GLS: variants seen among roughly 807,000 people sequenced by gnomAD.
GLS encodes glutaminase, also known as glutaminase kidney isoform, mitochondrial.
Under a neutral mutation model 86.7 loss-of-function variants are expected in GLS, and 36 were observed. The ratio of observed to expected loss-of-function variants is 0.42; its 90% CI spans 0.32 to 0.55. The LOEUF (loss-of-function observed/expected upper bound fraction) is 0.55, where lower values mean the gene tolerates loss of function less well. GLS is among the 20% of genes least tolerant of loss of function. The pLI is 0.17. For synonymous variants in GLS, 317 were observed against 305.9 expected, an observed-to-expected ratio of 1.04 and a Z score of -0.38; for missense variants, 528 against 833.4, an observed-to-expected ratio of 0.63 and a Z score of 4.51.
chr2:190,944,518 G>C (rs1302534212), intron 14 of GLS, among the ~76,000 whole-genome samples: 2 of 152,270 alleles, frequency 1.3e-5, no homozygotes, highest in East Asian at 3.9e-4. Flanking sequence ...AGGAGTAGCT[G>C]TCTTTGTCTT....
At chr2:190,926,875 G>A (rs1468158910) in intron 11 of GLS, 1 of 152,942 alleles carries the variant, frequency 6.5e-6, no homozygotes, top group Non-Finnish European at 1.5e-5. Flanking sequence ...TTCTAAAATG[G>A]TGATTTCTCA....
intron 14 of GLS, among the ~76,000 whole-genome samples, chr2:190,936,475 C>A (rs1690274628): frequency 6.6e-6 from 1 of 151,040 alleles, no homozygotes; most frequent in South Asian, 2.1e-4. Flanking sequence ...ATTCATTGAT[C>A]TATTCCTGTT....
chr2:190,897,081 T>A lies in GLS; in HGVS notation c.605+1356T>A, dbSNP rs747144876. On this transcript the variant is annotated intron_variant, in intron 3 of 17. Transcript: ENST00000320717. This position sits in a 1 kb window ranked among gnomAD's most constrained non-coding sequence, Gnocchi z 4.3. ...TCTCATTCTGTCGCCCAGGCTGGAG[T>A]GTAGTGACATGATCTTGGCTCACTA... Among the ~76,000 whole-genome samples the A allele has an allele frequency of 6.6e-6, 1 of 151,640 alleles. No individual in the cohort carries two copies. The highest frequency in any genetic ancestry group is 1.5e-5 in the Non-Finnish European group (1 of 67,922).
intron 7 of GLS, among the ~76,000 whole-genome samples, chr2:190,911,653 G>C (rs1689363736): frequency 6.6e-6 from 1 of 151,984 alleles, no homozygotes; most frequent in African/African-American, 2.4e-5. Flanking sequence ...TGTGATGAGA[G>C]AAAAGCCTCA....
rs765851985 is a variant in GLS, at chr2:190,964,804, C to CTT, written c.*1820_*1821dup. 2 of 152,156 alleles carry CTT rather than the reference C, an allele frequency of 1.3e-5. No individual in the cohort carries two copies. Among genetic ancestry groups the CTT allele is most frequent in the Non-Finnish European group, 2.9e-5 (2 of 68,032 alleles). 9.4% of individuals were successfully genotyped at this position (152,156 alleles called of 1,614,324 possible). ...TTTTAACTGAAATCAATCAAGATAACTTTATTCAAAGAGCAGCCCGCTTTG... is the reference window on the plus strand; with the variant it reads ...TTTTAACTGAAATCAATCAAGATAACTTTTTATTCAAAGAGCAGCCCGCTTTG... On this transcript the variant is annotated 3_prime_UTR_variant, in exon 18 of 18. Coordinates refer to ENST00000320717, the MANE Select transcript of GLS (RefSeq NM_014905.5). This position sits in a 1 kb window ranked among gnomAD's most constrained non-coding sequence, Gnocchi z 5.2.
chr2:190,963,835 T>G lies in GLS; in HGVS notation c.*849T>G, dbSNP rs907264301. 5.3e-5 allele frequency: 8 copies of G among 152,226 alleles called. No homozygotes were observed. Among genetic ancestry groups the G allele is most frequent in the African/African-American group, 1.7e-4 (7 of 41,518 alleles). 9.4% of individuals were successfully genotyped at this position (152,226 alleles called of 1,614,324 possible). On this transcript the variant is annotated 3_prime_UTR_variant, in exon 18 of 18. Transcript: ENST00000320717. ...GAAGACGAACCAGAGACAAAATTACTAAGTATAAATTAGTCAAGTTTATCA... is the reference window on the plus strand; with the variant it reads ...GAAGACGAACCAGAGACAAAATTACGAAGTATAAATTAGTCAAGTTTATCA...
At chr2:190,934,915 A>G (rs1690226086) in intron 14 of GLS, 2 of 976,716 alleles carry the variant, frequency 2.0e-6, no homozygotes, top group Non-Finnish European at 2.4e-6. Context: ...AAAAGAAAAA[A>G]CTTTGCCAGT....
chr2:190,913,384 C>A lies in GLS; in HGVS notation c.1038+3063C>A. The A allele has an allele frequency of 4.1e-6, 4 of 975,168 alleles. No homozygotes were observed. The highest frequency in any genetic ancestry group is 5.2e-6 in the Non-Finnish European group (4 of 771,090). 60.4% of individuals were successfully genotyped at this position (975,168 alleles called of 1,614,324 possible). ...ATATAGGTAAATACCTTTTTAAAAA[C>A]AAATGTAATTTTATACTTAAAATGC... On this transcript the variant is annotated intron_variant, in intron 7 of 17. Coordinates refer to ENST00000320717, the MANE Select transcript of GLS (RefSeq NM_014905.5). The surrounding 1 kb of genome is among the most constrained non-coding windows in gnomAD (Gnocchi z 6.1).
chr2:190,907,374 C>T (rs570925338), intron 6 of GLS, among the ~76,000 whole-genome samples: 2 of 152,222 alleles, frequency 1.3e-5, no homozygotes, highest in East Asian at 3.9e-4. Flanking sequence ...TCTCCTGCCT[C>T]AGCCTCCCGA....
At chr2:190,893,635 G>A (rs113252550) in intron 1 of GLS, among the ~76,000 whole-genome samples, 10,501 of 152,138 alleles carry the variant, frequency 0.069, 1,168 homozygotes, top group African/African-American at 0.24. Flanking sequence ...ACCCACTCTG[G>A]AGTGTGGTGG....
At position 190,943,360 on chromosome 2, in the gene GLS, T is replaced by A. The variant is rs188536343; in HGVS notation, c.1651-10205T>A. ...TGTGAGATTGCTTAAGGTGATAGTATAAAGTGATAAGGAAAGTGTATCAAA... is the reference window on the plus strand; with the variant it reads ...TGTGAGATTGCTTAAGGTGATAGTAAAAAGTGATAAGGAAAGTGTATCAAA... On this transcript the variant is annotated intron_variant, in intron 14 of 17. Transcript: ENST00000320717. This position sits in a 1 kb window ranked among gnomAD's most constrained non-coding sequence, Gnocchi z 4.5. 1.4e-3 allele frequency among the ~76,000 whole-genome samples: 206 copies of A among 152,204 alleles called. No homozygotes were observed. The highest frequency in any genetic ancestry group is 2.6e-3 in the Non-Finnish European group (174 of 68,000).
At position 190,905,401 on chromosome 2, in the gene GLS, G is replaced by A; in HGVS notation, c.979+234G>A. 2 of 373,288 alleles carry A rather than the reference G, an allele frequency of 5.4e-6. No homozygotes were observed. Among genetic ancestry groups the A allele is most frequent in the Admixed American group, 4.3e-5 (1 of 23,292 alleles). The allele number at this position is 373,288 out of a possible 1,614,324, so 23.1% of individuals were successfully genotyped here. ...CTTCTCTCTTCATAACCACCTTTAGGGAAATATAGCGAAATCTCAAAATAC... is the reference window on the plus strand; with the variant it reads ...CTTCTCTCTTCATAACCACCTTTAGAGAAATATAGCGAAATCTCAAAATAC... On this transcript the variant is annotated intron_variant, in intron 6 of 17. Coordinates refer to ENST00000320717, the MANE Select transcript of GLS (RefSeq NM_014905.5). The surrounding 1 kb of genome is among the most constrained non-coding windows in gnomAD (Gnocchi z 4.6).
chr2:190,956,717 G>C lies in GLS; in HGVS notation c.1853+1899G>C, dbSNP rs940524808. Among the ~76,000 whole-genome samples the C allele has an allele frequency of 6.6e-6, 1 of 152,104 alleles. No homozygotes were observed. Among genetic ancestry groups the C allele is most frequent in the African/African-American group, 2.4e-5 (1 of 41,414 alleles). ...GTTGTATGGCCATTTTCATGATATT[G>C]ATTCTTTCTAGCCACGAGCATGGAA... On this transcript the variant is annotated intron_variant, in intron 17 of 17. Transcript: ENST00000320717. The surrounding 1 kb of genome is among the most constrained non-coding windows in gnomAD (Gnocchi z 4.2).
rs1688376280 is a variant in GLS at position 190,886,288 on chromosome 2, TCTGTAATTAACAAACTCATG to T, written c.386+4823_386+4842del. On this transcript the variant is annotated intron_variant, in intron 1 of 17. Transcript: ENST00000320717. The stretch of plus-strand genomic sequence containing the variant: ...CAGTCATTGATAACTTTGTCCATGA[TCTGTAATTAACAAACTCATG>T]CTGTTAATTTATAGTTTTATTAATA... 3.9e-5 allele frequency among the ~76,000 whole-genome samples: 6 copies of T among 152,362 alleles called. No individual in the cohort carries two copies. The South Asian group carries it at 1.2e-3, about 32-fold the overall frequency.
In GLS at chr2:190,880,899, A is replaced by AGCAGCAGCAGCAGCAGCAGCAGCACCC; in HGVS notation, c.-165_-164insGCACCCGCAGCAGCAGCAGCAGCAGCA. The AGCAGCAGCAGCAGCAGCAGCAGCACCC allele has an allele frequency of 1.4e-6, 1 of 727,646 alleles. No homozygotes were observed. The allele number at this position is 727,646 out of a possible 1,614,324, so 45.1% of individuals were successfully genotyped here. A position where few individuals can be genotyped will look rare whatever the true frequency, so the allele number is the denominator to read the frequency against. ...CAGCAGCAGCAGCAGCAGCAGCAGCAGCAGCAGCAGCAGCAGCAGCACCCG... is the reference window on the plus strand; with the variant it reads ...CAGCAGCAGCAGCAGCAGCAGCAGCAGCAGCAGCAGCAGCAGCAGCAGCACCCGCAGCAGCAGCAGCAGCAGCACCCG... On this transcript the variant is annotated 5_prime_UTR_variant, in exon 1 of 18. Transcript: ENST00000320717.
At chr2:190,900,317 G>T (rs1198091010) in intron 3 of GLS, among the ~76,000 whole-genome samples, 1 of 152,092 alleles carries the variant, frequency 6.6e-6, no homozygotes, top group Non-Finnish European at 1.5e-5. Flanking sequence ...GGAACGCCTT[G>T]TCTTAATTTG....
intron 12 of GLS, among the ~76,000 whole-genome samples, chr2:190,928,408 C>T (rs1430825487): frequency 6.7e-6 from 1 of 150,230 alleles, no homozygotes; most frequent in Admixed American, 6.6e-5. Context: ...GATCTTGGCT[C>T]ACTGCAACCT....
intron 14 of GLS, chr2:190,934,181 C>G (rs1461448813): frequency 1.0e-6 from 1 of 980,664 alleles, no homozygotes; most frequent in African/African-American, 1.8e-5. Context: ...GGTTTCTTAG[C>G]ATGATGGTGT....
At chr2:190,952,709 A>G (rs898367155) in intron 14 of GLS, among the ~76,000 whole-genome samples, 7 of 152,208 alleles carry the variant, frequency 4.6e-5, no homozygotes, top group African/African-American at 1.7e-4. Flanking sequence ...TGAGTCATCA[A>G]TATGAATGTT....
Sources: gnomAD v4.1 joint callset for allele counts (sites outside exome capture counted in the v4.1 genomes callset) on GRCh38, gnomAD v4.1.1 for gene constraint, Gnocchi (gnomAD v3.1) non-coding constraint, MANE v1.5 for transcripts, NCBI Gene and HGNC (gene_info 2026-07-23, HGNC 2026-07-21) for gene names.